The following MYPN variants were observed in gnomAD, a reference collection of about 807,000 sequenced individuals.
The protein encoded by MYPN is myopalladin, also known as sarcomeric protein myopalladin, 145 kDa (MYOP).
Under a neutral mutation model 129.4 loss-of-function variants are expected in MYPN, and 63 were observed. The ratio of observed to expected loss-of-function variants is 0.49; its 90% CI spans 0.40 to 0.60. The LOEUF is 0.60. Among genes scored for constraint, MYPN ranks in the 20% least tolerant of loss-of-function variants. The pLI is 0.00. For missense variants in MYPN, 1,596 were observed against 1,635.4 expected (o/e 0.98, Z 0.42); for synonymous variants, 629 against 600.9 (o/e 1.05, Z -0.68).
chr10:68,184,807 T>C (rs1191573885), intron 12 of MYPN, among the ~76,000 whole-genome samples: 7 of 152,118 alleles, frequency 4.6e-5, no homozygotes, highest in Non-Finnish European at 8.8e-5. Flanking sequence ...GCCTGTGCCC[T>C]GTCCTTGGCT....
chr10:68,162,525 T>C (rs1349481983), intron 8 of MYPN, among the ~76,000 whole-genome samples: 1 of 152,232 alleles, frequency 6.6e-6, no homozygotes, highest in Non-Finnish European at 1.5e-5. Flanking sequence ...CAAGTGACAG[T>C]AGGCGAAGTT....
chr10:68,093,674 G>C (rs1187763400), intron 1 of MYPN, among the ~76,000 whole-genome samples: 1 of 151,306 alleles, frequency 6.6e-6, no homozygotes, highest in African/African-American at 2.4e-5. Context: ...GGAGAATGGC[G>C]TGAACCCCGG....
rs115993393 is a variant in MYPN, at chr10:68,136,585, C to T, written c.903-6355C>T. 9.3e-4 allele frequency: 1,390 copies of T among 1,494,664 alleles called. 13 individuals are homozygous for T. The East Asian group carries it at 0.012, about 12-fold the overall frequency. The allele number at this position is 1,494,664 out of a possible 1,614,324, so 92.6% of individuals were successfully genotyped here. ...CTGTTAAAGTCAGAGTGACGGTTAC[C>T]GATTGTTTTTTTAGGCCTGCTGAGG... On this transcript the variant is annotated intron_variant, in intron 2 of 19. Transcript: ENST00000358913.
chr10:68,117,937 TA>T (rs2042182397), intron 1 of MYPN, among the ~76,000 whole-genome samples: 1 of 152,114 alleles, frequency 6.6e-6, no homozygotes, highest in African/African-American at 2.4e-5. Flanking sequence ...ATATAGAGTT[TA>T]AACTTTCCCA....
upstream of MYPN, chr10:68,106,039 C>G (rs1416513531): frequency 2.7e-5 from 11 of 402,540 alleles, no homozygotes; most frequent in Non-Finnish European, 5.0e-5. Flanking sequence ...GCAACGGAAC[C>G]CTGTAAATAC....
At chr10:68,090,155 A>G (rs1434502929) in intron 1 of MYPN, among the ~76,000 whole-genome samples, 5 of 152,020 alleles carry the variant, frequency 3.3e-5, no homozygotes, top group Admixed American at 2.6e-4. Flanking sequence ...CTTTGAACAT[A>G]CTACTCAATG....
Position 68,207,073 on chromosome 10 carries a change from C to T in MYPN, c.3793+170C>T, listed in dbSNP as rs549536785. On this transcript the variant is annotated intron_variant, in intron 19 of 19. Coordinates refer to ENST00000358913, the MANE Select transcript of MYPN (RefSeq NM_032578.4). ...AGGAGTTCAAGACCAGCCTGGTCAA[C>T]GTGATGAAACTCCACCTCTACTAAA... 1.8e-4 allele frequency among the ~76,000 whole-genome samples: 28 copies of T among 152,196 alleles called. No individual in the cohort carries two copies. In the East Asian group the frequency reaches 2.7e-3, roughly 15 times the overall value.
chr10:68,150,162 C>G (rs1399775615), intron 6 of MYPN, 51 bp downstream of exon 6: 7 of 1,428,670 alleles, frequency 4.9e-6, no homozygotes, highest in Non-Finnish European at 6.9e-6. Context: ...TACCACAGCA[C>G]CCAAAGTTAT....
intron 1 of MYPN, among the ~76,000 whole-genome samples, chr10:68,114,785 G>A (rs538362178): frequency 1.6e-4 from 24 of 152,218 alleles, no homozygotes; most frequent in Admixed American, 4.6e-4. Flanking sequence ...ATTATTTTAC[G>A]TGATTTGCTA....
At chr10:68,122,639 C>T (rs1174220678) in intron 2 of MYPN, among the ~76,000 whole-genome samples, 1 of 150,372 alleles carries the variant, frequency 6.7e-6, no homozygotes, top group African/African-American at 2.4e-5. Flanking sequence ...CAGTGGCTCA[C>T]GCCTGTAATC....
chr10:68,143,314 A>G (rs2042606803), intron 3 of MYPN, among the ~76,000 whole-genome samples, 199 bp downstream of exon 3: 1 of 152,220 alleles, frequency 6.6e-6, no homozygotes, highest in Non-Finnish European at 1.5e-5. Flanking sequence ...AAAATAAACA[A>G]GATAAACAAA....
At chr10:68,184,250 T>A (rs1252448111) in intron 12 of MYPN, among the ~76,000 whole-genome samples, 2 of 152,252 alleles carry the variant, frequency 1.3e-5, no homozygotes, top group Non-Finnish European at 1.5e-5. Context: ...AAACAGACTA[T>A]GTGAGAGTAA....
intron 2 of MYPN, among the ~76,000 whole-genome samples, chr10:68,128,543 C>T (rs544548985): frequency 6.6e-6 from 1 of 152,120 alleles, no homozygotes; most frequent in Non-Finnish European, 1.5e-5. Context: ...TATTTATGTG[C>T]CCCATACTGT....
Position 68,199,471 on chromosome 10 carries a change from C to T in MYPN, c.3389C>T (p.Ser1130Phe). The T allele has an allele frequency of 1.2e-6, 2 of 1,614,180 alleles. No individual in the cohort carries two copies. The highest frequency in any genetic ancestry group is 1.7e-6 in the Non-Finnish European group (2 of 1,180,034). ...KMLVRETGVH[S>F]LLIDPLTQRD... The stretch of plus-strand genomic sequence containing the variant: ...CTGGTCAGGGAGACCGGAGTCCACT[C>T]TCTGCTCATTGACCCACTCACTCAG... Residue 1130 changes from serine to phenylalanine, a missense_variant, in exon 17 of 20, where the codon TCT becomes TTT. By Grantham distance (155) the Ser-to-Phe change is radical. Coordinates refer to ENST00000358913, the MANE Select transcript of MYPN (RefSeq NM_032578.4).
At chr10:68,164,895 G>A (rs1383490351) in intron 8 of MYPN, among the ~76,000 whole-genome samples, 1 of 152,212 alleles carries the variant, frequency 6.6e-6, no homozygotes, top group Non-Finnish European at 1.5e-5. Context: ...TACTAGTAAA[G>A]CAAAATATTT....
intron 2 of MYPN, among the ~76,000 whole-genome samples, chr10:68,131,808 A>T (rs1350702594): frequency 1.3e-5 from 2 of 152,232 alleles, no homozygotes; most frequent in African/African-American, 4.8e-5. Context: ...TAATGCTATT[A>T]TTAATGGCAT....
At chr10:68,120,811 G>C (rs2042230042) in intron 1 of MYPN, among the ~76,000 whole-genome samples, 1 of 152,198 alleles carries the variant, frequency 6.6e-6, no homozygotes, top group South Asian at 2.1e-4. Context: ...TCAATATCAG[G>C]CTTAGAAATG....
At chr10:68,180,777 A>G (rs10823151) in intron 12 of MYPN, among the ~76,000 whole-genome samples, 94,440 of 152,052 alleles carry the variant, frequency 0.62, 30,873 homozygotes, top group Non-Finnish European at 0.72. Flanking sequence ...ATTAGGATGC[A>G]TCATTACATT....
intron 12 of MYPN, among the ~76,000 whole-genome samples, chr10:68,188,215 T>A (rs373087513): frequency 6.6e-6 from 1 of 152,168 alleles, no homozygotes; most frequent in Non-Finnish European, 1.5e-5. Context: ...GTTCAAGCAA[T>A]TCTCATACCT....
Sources: gnomAD v4.1 joint callset for allele counts (sites outside exome capture counted in the v4.1 genomes callset) on GRCh38, gnomAD v4.1.1 for gene constraint, MANE v1.5 for transcripts, NCBI Gene and HGNC (gene_info 2026-07-23, HGNC 2026-07-21) for gene names.